Variants in ELMO1 observed in about 807,000 individuals in gnomAD.
ELMO1 encodes the protein engulfment and cell motility 1.
Under a neutral mutation model 98.9 loss-of-function variants are expected in ELMO1, and 26 were observed. The ratio of observed to expected loss-of-function variants is 0.26; its 90% CI spans 0.19 to 0.36. ELMO1 has a LOEUF of 0.36. ELMO1 is among the 10% of genes least tolerant of loss of function. ELMO1 has a pLI of 1.00. For missense variants in ELMO1, 627 were observed against 935.2 expected (o/e 0.67, Z 4.30); for synonymous variants, 346 against 346.0 (o/e 1.00, Z 0.00).
chr7:37,160,304 C>T (rs913506654), intron 13 of ELMO1, among the ~76,000 whole-genome samples: 1 of 152,130 alleles, frequency 6.6e-6, no homozygotes, highest in African/African-American at 2.4e-5. Context: ...TCAGTAGATG[C>T]CTCTGTTTCT....
intron 20 of ELMO1, among the ~76,000 whole-genome samples, chr7:36,868,649 G>C (rs979603844): frequency 6.6e-6 from 1 of 152,078 alleles, no homozygotes. Context: ...CACCCTGCCC[G>C]CTTCTCCTTA....
intron 15 of ELMO1, among the ~76,000 whole-genome samples, chr7:37,048,873 T>A (rs1204061819): frequency 3.3e-5 from 5 of 152,178 alleles, no homozygotes; most frequent in Admixed American, 6.5e-5. Flanking sequence ...CTGTATTTGC[T>A]GAAAGGGGTT....
intron 20 of ELMO1, among the ~76,000 whole-genome samples, chr7:36,864,264 G>A (rs1410063365): frequency 1.3e-5 from 2 of 152,198 alleles, no homozygotes; most frequent in African/African-American, 4.8e-5. Context: ...TCTTCTGCAG[G>A]GGGATGGAGA....
rs527639012 is a variant in ELMO1 at position 37,135,846 on chromosome 7, G to C, written c.1087-2612C>G. On this transcript the variant is annotated intron_variant, in intron 13 of 21. Coordinates refer to ENST00000310758, the MANE Select transcript of ELMO1 (RefSeq NM_014800.11). ...TTTAATATCTCAAAAGATCATACTA[G>C]CTAACCAGCAATGGATCCAAACCAA... Among the ~76,000 whole-genome samples, 9 of 152,288 alleles carry C rather than the reference G, an allele frequency of 5.9e-5. No homozygotes were observed. The South Asian group carries it at 1.9e-3, about 32-fold the overall frequency.
intron 16 of ELMO1, among the ~76,000 whole-genome samples, chr7:36,920,339 G>A (rs1785046063): frequency 6.6e-6 from 1 of 152,244 alleles, no homozygotes; most frequent in South Asian, 2.1e-4. Flanking sequence ...ATCTGGCAGT[G>A]CCTCTGGAGG....
intron 6 of ELMO1, among the ~76,000 whole-genome samples, chr7:37,248,788 A>G (rs1182013505): frequency 6.6e-6 from 1 of 152,246 alleles, no homozygotes; most frequent in Non-Finnish European, 1.5e-5. Flanking sequence ...TTTGGCCTGC[A>G]CTGGACCTCC....
At chr7:37,196,734 T>C (rs1791985203) in intron 13 of ELMO1, among the ~76,000 whole-genome samples, 1 of 152,260 alleles carries the variant, frequency 6.6e-6, no homozygotes, top group Admixed American at 6.5e-5. Flanking sequence ...TGTCTCCTTG[T>C]GCTGCTGAAA....
intron 14 of ELMO1, among the ~76,000 whole-genome samples, chr7:37,097,627 A>G (rs1299753433): frequency 6.6e-6 from 1 of 152,054 alleles, no homozygotes; most frequent in Non-Finnish European, 1.5e-5. Flanking sequence ...AGAAAGAAAG[A>G]AAGAAAGAAA....
intron 1 of ELMO1, among the ~76,000 whole-genome samples, chr7:37,343,351 G>A (rs1800820031): frequency 6.6e-6 from 1 of 152,110 alleles, no homozygotes; most frequent in Non-Finnish European, 1.5e-5. Flanking sequence ...GGGGGTGGGG[G>A]TGGGGCAGAA....
At chr7:37,134,558 C>CAA (rs370768267) in intron 13 of ELMO1, among the ~76,000 whole-genome samples, 2,270 of 89,136 alleles carry the variant, frequency 0.025, 95 homozygotes, top group African/African-American at 0.072. Context: ...GACTCCATCT[C>CAA]AAAAAAAAAA....
intron 13 of ELMO1, among the ~76,000 whole-genome samples, chr7:37,155,494 A>ATAAAAAAAATAAAT (rs760943465): frequency 7.1e-6 from 1 of 140,584 alleles, no homozygotes; most frequent in African/African-American, 2.6e-5. Context: ...AAGCAAAAAA[A>ATAAAAAAAATAAAT]AAAAAAAAAA....
At chr7:36,970,295 C>T (rs142695748) in intron 16 of ELMO1, among the ~76,000 whole-genome samples, 13 of 152,186 alleles carry the variant, frequency 8.5e-5, no homozygotes, top group African/African-American at 2.9e-4. Context: ...GGTAATCTTC[C>T]TCTGTCCAAT....
At chr7:36,933,808 G>A (rs538593954) in intron 16 of ELMO1, among the ~76,000 whole-genome samples, 1 of 152,318 alleles carries the variant, frequency 6.6e-6, no homozygotes, top group East Asian at 1.9e-4. Context: ...GCAGGCTTGT[G>A]ACTTCAGGTC....
intron 15 of ELMO1, among the ~76,000 whole-genome samples, chr7:37,091,795 A>C (rs2129249573): frequency 6.6e-6 from 1 of 152,326 alleles, no homozygotes; most frequent in East Asian, 1.9e-4. Context: ...GTGGAAGGCA[A>C]AAGGCAAGTC....
intron 6 of ELMO1, among the ~76,000 whole-genome samples, chr7:37,256,842 T>A (rs1056037078): frequency 3.3e-5 from 5 of 151,716 alleles, no homozygotes; most frequent in Admixed American, 3.3e-4. Flanking sequence ...CCCAGAAAGA[T>A]CTCTAACTTG....
intron 1 of ELMO1, among the ~76,000 whole-genome samples, chr7:37,365,329 C>T (rs1036735331): frequency 6.6e-6 from 1 of 152,166 alleles, no homozygotes. Flanking sequence ...GAAGTATGGG[C>T]AAGATAAGAG....
chr7:37,066,254 T>A (rs955310588), intron 15 of ELMO1, among the ~76,000 whole-genome samples: 9 of 152,110 alleles, frequency 5.9e-5, no homozygotes, highest in African/African-American at 1.9e-4. Flanking sequence ...GAGGAAGAGA[T>A]GGAATCAAAA....
At chr7:37,392,030 C>A (rs1371058162) in intron 1 of ELMO1, among the ~76,000 whole-genome samples, 1 of 152,188 alleles carries the variant, frequency 6.6e-6, no homozygotes, top group African/African-American at 2.4e-5. Flanking sequence ...AGCAGGGAGA[C>A]ACACTGTTCT....
intron 6 of ELMO1, among the ~76,000 whole-genome samples, chr7:37,257,893 G>A (rs1419097707): frequency 6.6e-6 from 1 of 151,510 alleles, no homozygotes; most frequent in East Asian, 1.9e-4. Context: ...CAGCACTTTG[G>A]GAGGCAGAGG....
Sources: gnomAD v4.1 joint callset for allele counts (sites outside exome capture counted in the v4.1 genomes callset) on GRCh38, gnomAD v4.1.1 for gene constraint, MANE v1.5 for transcripts, NCBI Gene and HGNC (gene_info 2026-07-23, HGNC 2026-07-21) for gene names.